The following RASEF variants were observed in gnomAD, a reference collection of about 807,000 sequenced individuals.
RASEF encodes ras and EF-hand domain-containing protein.
Under a neutral mutation model 90.1 loss-of-function variants are expected in RASEF, and 68 were observed. That is an observed-to-expected ratio of 0.75 (90% confidence interval 0.62 to 0.92). The LOEUF is 0.92. Among genes scored for constraint, RASEF ranks in the 40% least tolerant of loss-of-function variants. The pLI, the probability that RASEF is intolerant of heterozygous loss-of-function variation, is 0.00. For missense variants in RASEF, 949 were observed against 937.2 expected (o/e 1.01, Z -0.16); for synonymous variants, 331 against 345.2 (o/e 0.96, Z 0.46).
chr9:82,996,121 T>C (rs1828914784), intron 14 of RASEF, among the ~76,000 whole-genome samples: 1 of 152,208 alleles, frequency 6.6e-6, no homozygotes, highest in East Asian at 1.9e-4. Context: ...CAGTCATTTC[T>C]CACACTACTT....
At chr9:83,137,510 CAAAG>C in the RASEF span, among the ~76,000 whole-genome samples, 1 of 151,800 alleles carries the variant, frequency 6.6e-6, no homozygotes, top group African/African-American at 2.4e-5. Flanking sequence ...TAAATGCTGA[CAAAG>C]AAAGAGAAAG....
At chr9:83,035,274 G>C (rs1346756313) in intron 1 of RASEF, among the ~76,000 whole-genome samples, 1 of 152,164 alleles carries the variant, frequency 6.6e-6, no homozygotes, top group African/African-American at 2.4e-5. Context: ...TGTGAAAGCA[G>C]CCTAGACAAT....
At chr9:83,139,068 C>G in the RASEF span, among the ~76,000 whole-genome samples, 4 of 152,120 alleles carry the variant, frequency 2.6e-5, no homozygotes, top group African/African-American at 9.7e-5. Flanking sequence ...CAGTTTGTGT[C>G]TTCCTGAATG....
chr9:82,997,681 AT>A (rs1828947209), intron 13 of RASEF, among the ~76,000 whole-genome samples: 1 of 152,156 alleles, frequency 6.6e-6, no homozygotes, highest in Admixed American at 6.5e-5. Flanking sequence ...TTTTATAAGT[AT>A]TTTAAATACA....
Position 82,982,702 on chromosome 9 carries a change from T to C in RASEF, c.2198A>G (p.Gln733Arg). 1 of 1,602,052 alleles carries C rather than the reference T, an allele frequency of 6.2e-7. No individual in the cohort carries two copies. Among genetic ancestry groups the C allele is most frequent in the Non-Finnish European group, 8.6e-7 (1 of 1,168,994 alleles). Residue 733 changes from glutamine (Q) to arginine (R), a missense_variant, in exon 17 of 17, where the codon CAG (glutamine) becomes CGG (arginine). This residue lies in a region of RASEF where 288 missense variants were observed against 328.4 expected (regional missense o/e 0.88). Transcript: ENST00000376447. ...TTAGCCATTGCAACAATTCTTCATC[T>C]GTGGTGACTTTTTGGAATTGGTCCC... ...LTGTNSKKSP[Q>R]MKNCCNG
the RASEF span, among the ~76,000 whole-genome samples, chr9:83,152,153 G>A: frequency 6.6e-5 from 10 of 152,232 alleles, no homozygotes; most frequent in Admixed American, 4.6e-4. Flanking sequence ...CCCAGTAATT[G>A]TAAGAGGATA....
the RASEF span, among the ~76,000 whole-genome samples, chr9:83,093,290 T>G: frequency 6.6e-6 from 1 of 152,226 alleles, no homozygotes. Flanking sequence ...TCCCTCGCCG[T>G]GTGCTCACAC....
In RASEF at chr9:83,062,696, G is replaced by A; in HGVS notation, c.172C>T (p.Arg58Cys). 6.3e-7 allele frequency: 1 copy of A among 1,575,028 alleles called. No homozygotes were observed. Among genetic ancestry groups the A allele is most frequent in the Non-Finnish European group, 8.6e-7 (1 of 1,169,288 alleles). Residue 58 changes from arginine (R) to cysteine (C), a missense_variant, in exon 1 of 17, where the codon CGT becomes TGT. Coordinates refer to ENST00000376447, the MANE Select transcript of RASEF (RefSeq NM_152573.4). ...TCCTGGAAGGTGATGGCGCCGTCAC[G>A]GTCGGCGTCCAGCCGCTGGAATACT... ...EAVFQRLDAD[R>C]DGAITFQEFA...
chr9:83,115,022 CCTGCCG>C, the RASEF span, among the ~76,000 whole-genome samples: 4 of 152,100 alleles, frequency 2.6e-5, no homozygotes, highest in African/African-American at 9.7e-5. Flanking sequence ...CATCACGGAA[CCTGCCG>C]ACATGTGATG....
the RASEF span, among the ~76,000 whole-genome samples, chr9:83,093,485 C>G: frequency 2.6e-5 from 4 of 152,234 alleles, no homozygotes; most frequent in Non-Finnish European, 4.4e-5. Flanking sequence ...AGCGCAGCCC[C>G]GGTGGGCTGG....
At position 83,036,400 on chromosome 9, in the gene RASEF, A is replaced by G. The variant is rs985224383; in HGVS notation, c.432-10479T>C. ...AGTCAGTGGGAAATTGGAAAATTAC[A>G]AGCATAGTGCACATGAAATATGTAC... On this transcript the variant is annotated intron_variant, in intron 1 of 16. Coordinates refer to ENST00000376447, the MANE Select transcript of RASEF (RefSeq NM_152573.4). 7.2e-5 allele frequency among the ~76,000 whole-genome samples: 11 copies of G among 152,356 alleles called. 2 individuals are homozygous for G. Among genetic ancestry groups the G allele is most frequent in the Admixed American group, 6.5e-5 (1 of 15,310 alleles).
chr9:83,033,127 A>G (rs915277028), intron 1 of RASEF, among the ~76,000 whole-genome samples: 3 of 152,222 alleles, frequency 2.0e-5, no homozygotes, highest in Admixed American at 6.5e-5. Context: ...TGTAAACGAA[A>G]GCACACAGTA....
At chr9:83,168,106 C>A in the RASEF span, among the ~76,000 whole-genome samples, 1 of 152,104 alleles carries the variant, frequency 6.6e-6, no homozygotes. Flanking sequence ...AAAGAAGGGG[C>A]ACCAGAATTC....
the RASEF span, among the ~76,000 whole-genome samples, chr9:83,191,300 T>C: frequency 6.6e-6 from 1 of 152,188 alleles, no homozygotes; most frequent in Non-Finnish European, 1.5e-5. Context: ...GAAAAGATCA[T>C]GGCCTTTCAG....
At chr9:83,188,303 T>C in the RASEF span, among the ~76,000 whole-genome samples, 3 of 152,230 alleles carry the variant, frequency 2.0e-5, no homozygotes, top group African/African-American at 7.2e-5. Context: ...CCAAGGACTT[T>C]CTTTAGACAA....
rs936734110 is a variant in RASEF at position 82,981,319 on chromosome 9, C to A, written c.*1358G>T. The A allele has an allele frequency of 1.3e-5, 2 of 152,164 alleles. No individual in the cohort carries two copies. The highest frequency in any genetic ancestry group is 4.8e-5 in the African/African-American group (2 of 41,422). 9.4% of individuals were successfully genotyped at this position (152,164 alleles called of 1,614,324 possible). On this transcript the variant is annotated 3_prime_UTR_variant, in exon 17 of 17. Coordinates refer to ENST00000376447, the MANE Select transcript of RASEF (RefSeq NM_152573.4). ...GGTTCTGGAAGGAGAGTAGGCCCAA[C>A]CAGGTCACTGGTGATGATGAGCCAC...
intron 12 of RASEF, among the ~76,000 whole-genome samples, chr9:82,998,841 G>A (rs542572852): frequency 1.8e-4 from 28 of 152,148 alleles, no homozygotes; most frequent in South Asian, 4.2e-4. Context: ...GTGCAGATAC[G>A]TGTTTTGTGT....
the RASEF span, among the ~76,000 whole-genome samples, chr9:83,213,103 A>G: frequency 1.3e-5 from 2 of 151,944 alleles, no homozygotes; most frequent in African/African-American, 4.8e-5. Context: ...TAAAAAAAAA[A>G]AAAAGAAAGA....
chr9:83,080,097 C>T, the RASEF span, among the ~76,000 whole-genome samples: 1 of 152,218 alleles, frequency 6.6e-6, no homozygotes, highest in Non-Finnish European at 1.5e-5. Flanking sequence ...TTCAGTACCA[C>T]ATTTGTGCCC....
Sources: gnomAD v4.1 joint callset for allele counts (sites outside exome capture counted in the v4.1 genomes callset) on GRCh38, gnomAD v4.1.1 for gene constraint, gnomAD v4.1.1 regional missense constraint, MANE v1.5 for transcripts, NCBI Gene and HGNC (gene_info 2026-07-23, HGNC 2026-07-21) for gene names.